The following LINC01488 variants were observed in gnomAD, a reference collection of about 807,000 sequenced individuals.
LINC01488 encodes CCND1-upstream intergenic DNA repair 1.
chr11:69,491,590 G>C (rs1367606804), intron 3 of LINC01488: 2 of 152,344 alleles, frequency 1.3e-5, no homozygotes, highest in African/African-American at 2.4e-5. Context: ...ACCAGCCCTG[G>C]GCCCTTGGTA....
exon 4 of LINC01488, chr11:69,492,364 A>G (rs1014403820): frequency 6.6e-6 from 1 of 152,264 alleles, no homozygotes; most frequent in Non-Finnish European, 1.5e-5. Flanking sequence ...CTCCACCACA[A>G]AGGGGACTTT....
At chr11:69,487,083 G>C (rs1857134669) in intron 1 of LINC01488, among the ~76,000 whole-genome samples, 1 of 152,246 alleles carries the variant, frequency 6.6e-6, no homozygotes, top group South Asian at 2.1e-4. Flanking sequence ...TTCCCAGGTG[G>C]CCTGGGGCGG....
chr11:69,484,897 T>C lies in LINC01488; in HGVS notation n.122+3114T>C, dbSNP rs565005041. Among the ~76,000 whole-genome samples, 10 of 152,360 alleles carry C rather than the reference T, an allele frequency of 6.6e-5. No homozygotes were observed. The East Asian group carries it at 1.5e-3, about 24-fold the overall frequency. On this transcript the variant is annotated intron_variant and non_coding_transcript_variant, in intron 1 of 3. Transcript: ENST00000644563. ...CCAGAGTCTTCACTGGCTCCTTTGT[T>C]TTCTCTGAAGGCAGAGAATCTTCTA...
At chr11:69,482,244 A>T (rs953856796) in intron 1 of LINC01488, among the ~76,000 whole-genome samples, 11 of 152,342 alleles carry the variant, frequency 7.2e-5, no homozygotes, top group African/African-American at 2.4e-4. Flanking sequence ...TAAAACCATC[A>T]GATCTCATGA....
At chr11:69,489,481 G>A (rs764944769) in intron 1 of LINC01488, among the ~76,000 whole-genome samples, 13 of 152,344 alleles carry the variant, frequency 8.5e-5, no homozygotes, top group Non-Finnish European at 1.9e-4. Flanking sequence ...CCTCCAGCGC[G>A]AAATCACTAA....
chr11:69,486,690 T>C (rs981322314), intron 1 of LINC01488, among the ~76,000 whole-genome samples: 1 of 152,006 alleles, frequency 6.6e-6, no homozygotes, highest in Non-Finnish European at 1.5e-5. Flanking sequence ...GGGAGGAGCC[T>C]CTCCCAGTCC....
intron 1 of LINC01488, among the ~76,000 whole-genome samples, chr11:69,486,816 C>T (rs577759542): frequency 2.0e-5 from 3 of 152,260 alleles, no homozygotes; most frequent in East Asian, 3.9e-4. Context: ...AGCCCCAGGA[C>T]GGCTGCCTGG....
chr11:69,483,517 CTAAA>C (rs1038350930), intron 1 of LINC01488, among the ~76,000 whole-genome samples: 2 of 152,178 alleles, frequency 1.3e-5, no homozygotes, highest in African/African-American at 4.8e-5. Context: ...TCAGTGTTTG[CTAAA>C]TAAATGAAGA....
intron 1 of LINC01488, among the ~76,000 whole-genome samples, chr11:69,482,537 T>TGGATGCATGCATGGATAGATG: frequency 6.6e-6 from 1 of 150,764 alleles, no homozygotes; most frequent in South Asian, 2.1e-4. Flanking sequence ...AATGGATGGA[T>TGGATGCATGCATGGATAGATG]GATGAGTGGA....
rs1857162758 is a variant in LINC01488 at position 69,488,592 on chromosome 11, CGGCCCG to C, written n.123-1900_123-1895del. On this transcript the variant is annotated intron_variant and non_coding_transcript_variant, in intron 1 of 3. Transcript: ENST00000644563. The stretch of plus-strand genomic sequence containing the variant: ...TGCTGGGCAGGGGCAGTTAATGGAC[CGGCCCG>C]GGGTGGGCCCCACACAATGGAACGT... Among the ~76,000 whole-genome samples, 3 of 152,258 alleles carry C rather than the reference CGGCCCG, an allele frequency of 2.0e-5. No individual in the cohort carries two copies. The South Asian group carries it at 6.2e-4, about 31-fold the overall frequency.
chr11:69,489,120 C>T (rs536818371), intron 1 of LINC01488, among the ~76,000 whole-genome samples: 34 of 152,192 alleles, frequency 2.2e-4, no homozygotes, highest in Non-Finnish European at 4.0e-4. Flanking sequence ...GGCCCCCAAA[C>T]GCCCCTCGGA....
intron 1 of LINC01488, among the ~76,000 whole-genome samples, chr11:69,481,953 G>A (rs1488402813): frequency 6.6e-6 from 1 of 151,876 alleles, no homozygotes; most frequent in Non-Finnish European, 1.5e-5. Context: ...ATGAGTAGAT[G>A]GATGGATGGA....
exon 3 of LINC01488, chr11:69,491,410 A>T (rs550950120): frequency 5.2e-5 from 8 of 152,430 alleles, no homozygotes; most frequent in African/African-American, 1.9e-4. Context: ...GCATCCACAC[A>T]TCCTTGACCA....
chr11:69,491,183 T>G (rs1857212183), exon 3 of LINC01488: 1 of 152,190 alleles, frequency 6.6e-6, no homozygotes, highest in South Asian at 2.1e-4. Context: ...AGAGGCGAGC[T>G]GGCAGGGCTC....
intron 1 of LINC01488, among the ~76,000 whole-genome samples, chr11:69,482,838 G>C (rs1857061642): frequency 6.6e-6 from 1 of 152,102 alleles, no homozygotes; most frequent in African/African-American, 2.4e-5. Flanking sequence ...TCTTTCCTTG[G>C]CTCGTAGACA....
At chr11:69,488,597 C>T (rs1038132397) in intron 1 of LINC01488, among the ~76,000 whole-genome samples, 8 of 152,214 alleles carry the variant, frequency 5.3e-5, no homozygotes, top group African/African-American at 1.4e-4. Context: ...TGGACCGGCC[C>T]GGGGTGGGCC....
intron 1 of LINC01488, among the ~76,000 whole-genome samples, chr11:69,482,794 A>G (rs72927567): frequency 0.17 from 25,428 of 152,184 alleles, 2,323 homozygotes; most frequent in African/African-American, 0.22. Flanking sequence ...GACGTCTGAG[A>G]TCAAGGTGTG....
chr11:69,484,350 G>A (rs891955024), intron 1 of LINC01488, among the ~76,000 whole-genome samples: 2 of 152,130 alleles, frequency 1.3e-5, no homozygotes, highest in African/African-American at 2.4e-5. Context: ...CTGGCAGGAG[G>A]GTCTTCTAAT....
chr11:69,488,816 A>T lies in LINC01488; in HGVS notation n.123-1679A>T, dbSNP rs118130259. On this transcript the variant is annotated intron_variant and non_coding_transcript_variant, in intron 1 of 3. Transcript: ENST00000644563. ...GAACCGGCAGCAAAGGGCCGATTTG[A>T]GTGCCGGGGGCACCACCAAGACGCC... is the stretch of plus-strand genomic sequence containing the variant. Among the ~76,000 whole-genome samples the T allele has an allele frequency of 4.4e-3, 674 of 152,264 alleles. 3 individuals carry two copies. The highest frequency in any genetic ancestry group is 7.3e-3 in the Non-Finnish European group (499 of 68,012).
Sources: allele counts gnomAD v4.1 joint callset (sites outside exome capture counted in the v4.1 genomes callset), GRCh38; gene constraint gnomAD v4.1.1; transcripts MANE v1.5; gene names NCBI Gene and HGNC (gene_info 2026-07-23, HGNC 2026-07-21).